The following PPARGC1A variants were observed in gnomAD, a reference collection of about 807,000 sequenced individuals.
The protein encoded by PPARGC1A is PPARG coactivator 1 alpha, also known as peroxisome proliferator-activated receptor gamma coactivator 1-alpha.
In PPARGC1A, 25 loss-of-function variants were observed where a neutral mutation model predicts 88.7. The observed-to-expected ratio is 0.28, with a 90% CI of 0.21 to 0.39. PPARGC1A has a LOEUF of 0.39. PPARGC1A is among the 10% of genes least tolerant of loss of function. PPARGC1A has a pLI of 1.00. For synonymous variants in PPARGC1A, 363 were observed against 355.6 expected (o/e 1.02, Z -0.24); for missense variants, 880 against 968.7 (o/e 0.91, Z 1.22).
chr4:24,197,735 A>G, the PPARGC1A span, among the ~76,000 whole-genome samples: 1 of 152,184 alleles, frequency 6.6e-6, no homozygotes, highest in Admixed American at 6.5e-5. Context: ...GTGCCACAGA[A>G]CCCAACAATC....
the PPARGC1A span, among the ~76,000 whole-genome samples, chr4:24,328,707 T>C: frequency 4.6e-5 from 7 of 152,318 alleles, no homozygotes; most frequent in Admixed American, 2.6e-4. Context: ...GGGTTTTTTT[T>C]CCACCCCACC....
At chr4:24,061,908 T>C in the PPARGC1A span, among the ~76,000 whole-genome samples, 1 of 152,120 alleles carries the variant, frequency 6.6e-6, no homozygotes, top group African/African-American at 2.4e-5. Context: ...AGGGCCACAA[T>C]CTCGATTGTT....
At chr4:24,440,819 A>C in the PPARGC1A span, among the ~76,000 whole-genome samples, 1 of 152,060 alleles carries the variant, frequency 6.6e-6, no homozygotes, top group South Asian at 2.1e-4. Flanking sequence ...CAAACAAACA[A>C]ACAAAAAAAA....
the PPARGC1A span, among the ~76,000 whole-genome samples, chr4:24,166,982 G>T: frequency 2.0e-5 from 3 of 152,160 alleles, no homozygotes; most frequent in Non-Finnish European, 4.4e-5. Context: ...TATTATTTAA[G>T]AAATACATTT....
At chr4:24,162,603 T>C in the PPARGC1A span, among the ~76,000 whole-genome samples, 2 of 151,370 alleles carry the variant, frequency 1.3e-5, no homozygotes, top group African/African-American at 4.9e-5. Flanking sequence ...TTTTTTTTTT[T>C]TTTTTGAGAT....
At chr4:24,216,505 C>T in the PPARGC1A span, among the ~76,000 whole-genome samples, 14 of 152,070 alleles carry the variant, frequency 9.2e-5, no homozygotes, top group African/African-American at 3.1e-4. Flanking sequence ...TACTCAAAAT[C>T]GGCTCTTCTT....
the PPARGC1A span, among the ~76,000 whole-genome samples, chr4:24,055,663 A>T: frequency 6.6e-6 from 1 of 152,362 alleles, no homozygotes; most frequent in African/African-American, 2.4e-5. Context: ...TACAGAAGTG[A>T]ATAGGAACTT....
the PPARGC1A span, among the ~76,000 whole-genome samples, chr4:23,979,459 G>C: frequency 1.3e-5 from 2 of 152,116 alleles, no homozygotes; most frequent in African/African-American, 4.8e-5. Flanking sequence ...TTCTAACACA[G>C]TGCACATAAA....
the PPARGC1A span, among the ~76,000 whole-genome samples, chr4:24,441,948 C>T: frequency 1.3e-5 from 2 of 152,310 alleles, no homozygotes; most frequent in African/African-American, 2.4e-5. Flanking sequence ...AAAAGAAATG[C>T]TAGGCCGAGT....
At chr4:24,275,208 C>T in the PPARGC1A span, among the ~76,000 whole-genome samples, 2 of 96,558 alleles carry the variant, frequency 2.1e-5, no homozygotes, top group African/African-American at 4.2e-5. Context: ...TAAGTAGGAG[C>T]GTGCTATTTA....
the PPARGC1A span, among the ~76,000 whole-genome samples, chr4:24,163,894 C>A: frequency 6.6e-6 from 1 of 152,200 alleles, no homozygotes; most frequent in African/African-American, 2.4e-5. Flanking sequence ...GGCCTCCTGA[C>A]CATCTCAAAC....
chr4:24,251,513 CA>C, the PPARGC1A span, among the ~76,000 whole-genome samples: 1 of 152,166 alleles, frequency 6.6e-6, no homozygotes, highest in Non-Finnish European at 1.5e-5. Flanking sequence ...AACTAATAAA[CA>C]CACTGTTATC....
At chr4:23,928,804 A>G in the PPARGC1A span, among the ~76,000 whole-genome samples, 1 of 151,536 alleles carries the variant, frequency 6.6e-6, no homozygotes, top group Non-Finnish European at 1.5e-5. Context: ...ACCCAAGATC[A>G]TATCTTTTGT....
At chr4:24,412,605 C>T in the PPARGC1A span, among the ~76,000 whole-genome samples, 890 of 152,236 alleles carry the variant, frequency 5.8e-3, 9 homozygotes, top group African/African-American at 0.019. Context: ...CTCAGCCTCC[C>T]GAGTAGCTGG....
chr4:23,928,511 T>G, the PPARGC1A span, among the ~76,000 whole-genome samples: 1 of 152,012 alleles, frequency 6.6e-6, no homozygotes, highest in Non-Finnish European at 1.5e-5. Flanking sequence ...GGAATGTAAA[T>G]TAGTTCCACC....
chr4:23,815,085 A>T (rs1275474300), intron 7 of PPARGC1A, among the ~76,000 whole-genome samples: 2 of 151,610 alleles, frequency 1.3e-5, no homozygotes, highest in East Asian at 3.9e-4. Context: ...TCCAATCAAG[A>T]GAATCTACCC....
chr4:23,871,299 T>C (rs1485027719), intron 2 of PPARGC1A, among the ~76,000 whole-genome samples: 1 of 152,196 alleles, frequency 6.6e-6, no homozygotes, highest in Non-Finnish European at 1.5e-5. Flanking sequence ...CTCAGCTACA[T>C]TGCTGGGATT....
chr4:24,172,373 T>C, the PPARGC1A span, among the ~76,000 whole-genome samples: 300 of 152,318 alleles, frequency 2.0e-3, no homozygotes, highest in Non-Finnish European at 3.9e-3. Flanking sequence ...TTAAAGAACA[T>C]TTACTGAGCA....
chr4:23,803,191 T>C (rs1311063662), intron 10 of PPARGC1A, among the ~76,000 whole-genome samples: 1 of 152,070 alleles, frequency 6.6e-6, no homozygotes, highest in Non-Finnish European at 1.5e-5. Context: ...ATGCAAATGA[T>C]TGGGCTTTAT....
Sources: gnomAD v4.1 joint callset for allele counts (sites outside exome capture counted in the v4.1 genomes callset) on GRCh38, gnomAD v4.1.1 for gene constraint, MANE v1.5 for transcripts, NCBI Gene and HGNC (gene_info 2026-07-23, HGNC 2026-07-21) for gene names.